Variants in PTPRD observed in about 807,000 individuals in gnomAD.
PTPRD encodes the protein receptor-type tyrosine-protein phosphatase delta.
A neutral mutation model predicts 214.5 loss-of-function variants in PTPRD; 34 were observed. The ratio of observed to expected loss-of-function variants is 0.16; its 90% CI spans 0.12 to 0.21. The LOEUF is 0.21. Ranked by LOEUF, PTPRD falls within the 10% of genes least tolerant of loss-of-function variation. PTPRD has a pLI of 1.00. For missense variants in PTPRD, 2,545 were observed against 2,398.7 expected, an observed-to-expected ratio of 1.06 and a Z score of -1.27; for synonymous variants, 1,128 against 845.7, an observed-to-expected ratio of 1.33 and a Z score of -5.79.
At chr9:8,335,546 G>A (rs911982469) in intron 43 of PTPRD, among the ~76,000 whole-genome samples, 1 of 152,222 alleles carries the variant, frequency 6.6e-6, no homozygotes, top group Admixed American at 6.5e-5. Flanking sequence ...ATAACGAATG[G>A]GCAAAAACTG....
At chr9:9,114,865 T>G (rs1465069122) in intron 10 of PTPRD, among the ~76,000 whole-genome samples, 1 of 152,126 alleles carries the variant, frequency 6.6e-6, no homozygotes, top group Non-Finnish European at 1.5e-5. Context: ...GAAGCTCCCA[T>G]GCAGATTATA....
At chr9:8,949,231 G>A (rs1808696) in intron 11 of PTPRD, among the ~76,000 whole-genome samples, 137,731 of 146,786 alleles carry the variant, frequency 0.94, 64,896 homozygotes, top group East Asian at 1. Context: ...CTCAAAAAAA[G>A]AAAAAAAAGA....
At chr9:8,692,576 G>A (rs1429190588) in intron 12 of PTPRD, among the ~76,000 whole-genome samples, 1 of 152,140 alleles carries the variant, frequency 6.6e-6, no homozygotes, top group Non-Finnish European at 1.5e-5. Flanking sequence ...TCTACCATAG[G>A]AAAGCTACTT....
At chr9:9,780,303 G>T (rs1344504456) in intron 5 of PTPRD, among the ~76,000 whole-genome samples, 2 of 152,042 alleles carry the variant, frequency 1.3e-5, no homozygotes, top group Non-Finnish European at 2.9e-5. Context: ...CTACCACTGG[G>T]TGCTGTGCTT....
At chr9:10,058,609 G>A (rs910628317) in intron 3 of PTPRD, among the ~76,000 whole-genome samples, 6 of 152,070 alleles carry the variant, frequency 3.9e-5, no homozygotes, top group African/African-American at 1.4e-4. Context: ...ATTAGACTAA[G>A]GTGGTAGTGT....
chr9:9,956,113 C>A (rs1455830539), intron 4 of PTPRD, among the ~76,000 whole-genome samples: 2 of 151,962 alleles, frequency 1.3e-5, no homozygotes, highest in Admixed American at 6.6e-5. Context: ...TTAGAAATGT[C>A]CAATCTAATA....
chr9:9,719,095 A>C (rs977665446), intron 7 of PTPRD, among the ~76,000 whole-genome samples: 58 of 152,128 alleles, frequency 3.8e-4, no homozygotes, highest in African/African-American at 1.3e-3. Flanking sequence ...AGGCCTGTCC[A>C]TGGCCACTCA....
chr9:10,374,647 G>A (rs905900586), intron 2 of PTPRD, among the ~76,000 whole-genome samples: 2 of 152,034 alleles, frequency 1.3e-5, no homozygotes, highest in African/African-American at 4.8e-5. Context: ...TTTAAAAGAA[G>A]TGGGAGGTGG....
intron 11 of PTPRD, among the ~76,000 whole-genome samples, chr9:8,850,221 G>T (rs963413216): frequency 6.6e-6 from 1 of 152,086 alleles, no homozygotes; most frequent in Non-Finnish European, 1.5e-5. Flanking sequence ...TGCACGTCTG[G>T]AACTCCAGAG....
chr9:10,423,396 T>C (rs916073795), intron 2 of PTPRD, among the ~76,000 whole-genome samples: 2 of 151,972 alleles, frequency 1.3e-5, no homozygotes, highest in Non-Finnish European at 2.9e-5. Flanking sequence ...ATGGCACATG[T>C]ATACATATGT....
chr9:10,302,835 G>A (rs181854235), intron 3 of PTPRD, among the ~76,000 whole-genome samples: 126 of 152,260 alleles, frequency 8.3e-4, no homozygotes, highest in African/African-American at 2.9e-3. Context: ...ACACCCCACT[G>A]TCAATATTAG....
At chr9:8,472,186 C>T (rs1218443321) in intron 30 of PTPRD, among the ~76,000 whole-genome samples, 2 of 152,210 alleles carry the variant, frequency 1.3e-5, no homozygotes, top group Admixed American at 6.5e-5. Flanking sequence ...AGTGGTCTGT[C>T]TCTTTTTCTT....
intron 3 of PTPRD, among the ~76,000 whole-genome samples, chr9:10,224,247 A>G (rs1036023955): frequency 6.6e-6 from 1 of 151,986 alleles, no homozygotes; most frequent in African/African-American, 2.4e-5. Context: ...AACATCTACC[A>G]TATGAGGTAT....
intron 11 of PTPRD, among the ~76,000 whole-genome samples, chr9:8,882,440 C>T (rs1039889605): frequency 6.6e-6 from 1 of 152,104 alleles, no homozygotes; most frequent in African/African-American, 2.4e-5. Flanking sequence ...CTGATCCTCA[C>T]AAAAGTAGAG....
At chr9:10,259,940 G>T (rs1157935329) in intron 3 of PTPRD, among the ~76,000 whole-genome samples, 4 of 152,100 alleles carry the variant, frequency 2.6e-5, no homozygotes, top group Non-Finnish European at 4.4e-5. Flanking sequence ...CATCAGGCCC[G>T]TTTCAACCAC....
At chr9:9,145,483 C>G (rs1484771534) in intron 10 of PTPRD, among the ~76,000 whole-genome samples, 1 of 151,734 alleles carries the variant, frequency 6.6e-6, no homozygotes, top group Non-Finnish European at 1.5e-5. Flanking sequence ...TCAAGAATAC[C>G]TGGTCATCAC....
intron 11 of PTPRD, among the ~76,000 whole-genome samples, chr9:8,840,640 C>T (rs1178423564): frequency 2.0e-5 from 3 of 152,106 alleles, no homozygotes; most frequent in African/African-American, 2.4e-5. Context: ...TATGCCTTTC[C>T]GGTTTTTAAT....
chr9:8,870,001 A>G (rs2098267905), intron 11 of PTPRD, among the ~76,000 whole-genome samples: 1 of 152,100 alleles, frequency 6.6e-6, no homozygotes, highest in African/African-American at 2.4e-5. Flanking sequence ...GTACAAACCC[A>G]GCAACCTGCT....
intron 7 of PTPRD, among the ~76,000 whole-genome samples, chr9:9,695,783 T>G (rs1317710443): frequency 6.6e-6 from 1 of 152,162 alleles, no homozygotes; most frequent in African/African-American, 2.4e-5. Flanking sequence ...TTTTAATGTG[T>G]TGTTGAATTA....
Sources: allele counts gnomAD v4.1 joint callset (sites outside exome capture counted in the v4.1 genomes callset), GRCh38; gene constraint gnomAD v4.1.1; transcripts MANE v1.5; gene names NCBI Gene and HGNC (gene_info 2026-07-23, HGNC 2026-07-21).